PLEKHA6: variants seen among roughly 807,000 people sequenced by gnomAD.
PLEKHA6 encodes pleckstrin homology domain-containing family A member 6.
A neutral mutation model predicts 116.7 loss-of-function variants in PLEKHA6; 60 were observed. That is an observed-to-expected ratio of 0.51 (90% CI 0.42 to 0.64). The LOEUF is 0.64. Ranked by LOEUF, PLEKHA6 falls within the 30% of genes least tolerant of loss-of-function variation. PLEKHA6 has a pLI of 0.00. For synonymous variants in PLEKHA6, 489 were observed against 556.1 expected, an observed-to-expected ratio of 0.88 and a Z score of 1.70; for missense variants, 1,338 against 1,422.7, an observed-to-expected ratio of 0.94 and a Z score of 0.96.
At chr1:204,305,798 CA>C (rs35097761) in intron 1 of PLEKHA6, among the ~76,000 whole-genome samples, 64,055 of 151,972 alleles carry the variant, frequency 0.42, 13,845 homozygotes, top group Admixed American at 0.48. Flanking sequence ...CCAGACTGTA[CA>C]ACCTATTAAT....
intron 1 of PLEKHA6, among the ~76,000 whole-genome samples, chr1:204,345,636 A>G (rs1673013543): frequency 6.6e-6 from 1 of 152,082 alleles, no homozygotes; most frequent in Non-Finnish European, 1.5e-5. Flanking sequence ...CCTCACCCAC[A>G]GCACAAGTAC....
chr1:204,368,310 G>C (rs1673708174), intron 2 of PLEKHA6: 1 of 152,182 alleles, frequency 6.6e-6, no homozygotes, highest in South Asian at 2.1e-4. Context: ...TAACACCTAA[G>C]ATCCGAGTAA....
At chr1:204,298,663 T>A (rs1419343676) in intron 1 of PLEKHA6, among the ~76,000 whole-genome samples, 1 of 152,180 alleles carries the variant, frequency 6.6e-6, no homozygotes, top group Non-Finnish European at 1.5e-5. Flanking sequence ...GAAGGGCTAA[T>A]GTGCAACAGA....
In PLEKHA6 at chr1:204,221,705, C is replaced by G. The variant is rs1032621285; in HGVS notation, c.*1083G>C. 2 of 152,578 alleles carry G rather than the reference C, an allele frequency of 1.3e-5. No homozygotes were observed. The highest frequency in any genetic ancestry group is 2.9e-5 in the Non-Finnish European group (2 of 68,348). 9.5% of individuals were successfully genotyped at this position (152,578 alleles called of 1,614,324 possible). A position where few individuals can be genotyped will look rare whatever the true frequency, so the allele number is the denominator to read the frequency against. On this transcript the variant is annotated 3_prime_UTR_variant, in exon 23 of 23. Transcript: ENST00000272203. ...CACCCTACATAAGACAAGTCCTTCTCTCTGCCCCTTACCCCAGGATGGCGA... is the reference window on the plus strand; with the variant it reads ...CACCCTACATAAGACAAGTCCTTCTGTCTGCCCCTTACCCCAGGATGGCGA...
chr1:204,363,144 C>T (rs914009206), upstream of PLEKHA6, among the ~76,000 whole-genome samples: 10 of 152,224 alleles, frequency 6.6e-5, no homozygotes, highest in African/African-American at 2.4e-4. Context: ...GGCTCCCCCG[C>T]CCCTCCCAGG....
At chr1:204,325,599 T>G (rs1321699691) in intron 1 of PLEKHA6, among the ~76,000 whole-genome samples, 4 of 152,200 alleles carry the variant, frequency 2.6e-5, no homozygotes, top group African/African-American at 9.7e-5. Flanking sequence ...CACACGTTAC[T>G]GTGGGCAAGT....
chr1:204,345,605 T>C, intron 1 of PLEKHA6, among the ~76,000 whole-genome samples: 1 of 152,118 alleles, frequency 6.6e-6, no homozygotes, highest in Middle Eastern at 3.2e-3. Context: ...AGCGCCCACG[T>C]GCACTGTGAC....
chr1:204,314,679 T>C (rs71633509), intron 1 of PLEKHA6, among the ~76,000 whole-genome samples: 29,137 of 152,214 alleles, frequency 0.19, 3,300 homozygotes, highest in Non-Finnish European at 0.25. Context: ...CCTGTGCCCT[T>C]CCCTGAGTCA....
At chr1:204,253,476 C>G (rs577235164) in intron 9 of PLEKHA6, among the ~76,000 whole-genome samples, 3 of 152,106 alleles carry the variant, frequency 2.0e-5, no homozygotes, top group Admixed American at 6.5e-5. Flanking sequence ...GAGCCGAGAT[C>G]GCGCCACTGC....
chr1:204,337,482 C>T (rs985745628), intron 1 of PLEKHA6, among the ~76,000 whole-genome samples: 17 of 151,898 alleles, frequency 1.1e-4, no homozygotes, highest in South Asian at 2.1e-4. Flanking sequence ...TGAGACAGAG[C>T]AAGACCAAAA....
At chr1:204,331,415 G>T (rs1423954733) in intron 1 of PLEKHA6, among the ~76,000 whole-genome samples, 2 of 152,096 alleles carry the variant, frequency 1.3e-5, no homozygotes, top group Non-Finnish European at 2.9e-5. Context: ...AGCGACCCAT[G>T]CTACAGCCAA....
At chr1:204,286,604 C>T (rs544339216) in intron 1 of PLEKHA6, among the ~76,000 whole-genome samples, 9 of 152,286 alleles carry the variant, frequency 5.9e-5, no homozygotes, top group Admixed American at 3.3e-4. Context: ...GCACAATTTG[C>T]GGGCCCCTTG....
intron 1 of PLEKHA6, among the ~76,000 whole-genome samples, chr1:204,341,758 G>A (rs547705326): frequency 6.6e-6 from 1 of 152,310 alleles, no homozygotes; most frequent in Non-Finnish European, 1.5e-5. Context: ...ACCAAAAAAA[G>A]TAGATCAGAA....
chr1:204,242,482 A>G (rs1159150715), intron 15 of PLEKHA6, among the ~76,000 whole-genome samples: 1 of 152,240 alleles, frequency 6.6e-6, no homozygotes, highest in Non-Finnish European at 1.5e-5. Flanking sequence ...CTCAAGGGTT[A>G]TGCAAATTAT....
At chr1:204,340,270 G>T (rs1378274475) in intron 1 of PLEKHA6, among the ~76,000 whole-genome samples, 2 of 152,184 alleles carry the variant, frequency 1.3e-5, no homozygotes, top group Non-Finnish European at 1.5e-5. Flanking sequence ...TGTGTTTGCT[G>T]ACACAGTGCA....
At position 204,271,753 on chromosome 1, in the gene PLEKHA6, C is replaced by T. The variant is rs545397383; in HGVS notation, c.102+1873G>A. On this transcript the variant is annotated intron_variant, in intron 3 of 22. Transcript: ENST00000272203. Reference sequence around the variant, plus strand: ...CTCTCACAGCCAGGCTATGAGCATGCTGGAGGAAAACCACACAAACCTGCA... The same window carrying T: ...CTCTCACAGCCAGGCTATGAGCATGTTGGAGGAAAACCACACAAACCTGCA... 5.9e-5 allele frequency among the ~76,000 whole-genome samples: 9 copies of T among 152,314 alleles called. No homozygotes were observed. In the South Asian group the frequency reaches 1.9e-3, roughly 32 times the overall value.
At chr1:204,356,715 C>T (rs542586636) in intron 1 of PLEKHA6, among the ~76,000 whole-genome samples, 9 of 152,210 alleles carry the variant, frequency 5.9e-5, no homozygotes, top group African/African-American at 1.9e-4. Context: ...TAGACATACA[C>T]TCATGCATGA....
At chr1:204,302,904 G>GAA (rs1365013289) in intron 1 of PLEKHA6, among the ~76,000 whole-genome samples, 1 of 151,908 alleles carries the variant, frequency 6.6e-6, no homozygotes, top group Non-Finnish European at 1.5e-5. Context: ...AAAAGAAAAA[G>GAA]AAAACCACTG....
chr1:204,250,579 G>A lies in PLEKHA6; in HGVS notation c.1560C>T (p.Leu520=). ...CTTGCTCGTTTAACTTGTAGGTGTG[G>A]AGGCTGTCCCGGAACACTTCTGGGT... ...PPYPEVFRDS[L]HTYKLNEQDT... is the part of the protein sequence containing the mutation. The change falls in exon 10 of 23, where the codon CTC becomes CTT. Residue 520 remains leucine, a synonymous_variant. Coordinates refer to ENST00000272203, the MANE Select transcript of PLEKHA6 (RefSeq NM_014935.5). The A allele has an allele frequency of 6.2e-7, 1 of 1,613,130 alleles. No homozygotes were observed. Among genetic ancestry groups the A allele is most frequent in the Admixed American group, 1.7e-5 (1 of 60,030 alleles).
Sources: allele counts gnomAD v4.1 joint callset (sites outside exome capture counted in the v4.1 genomes callset), GRCh38; gene constraint gnomAD v4.1.1; transcripts MANE v1.5; gene names NCBI Gene and HGNC (gene_info 2026-07-23, HGNC 2026-07-21).